Variants in CNBD1 observed in about 807,000 individuals in gnomAD.
CNBD1 encodes the protein cyclic nucleotide binding domain containing 1.
CNBD1 carries 71 observed loss-of-function variants against 54.4 expected under a neutral mutation model. The observed-to-expected ratio is 1.30, with a 90% confidence interval of 1.08 to 1.59. The LOEUF (loss-of-function observed/expected upper bound fraction) is 1.59. CNBD1 is among the 40% of genes most tolerant of loss of function. The pLI, the probability that CNBD1 is intolerant of heterozygous loss-of-function variation, is 0.00. For missense variants in CNBD1, 659 were observed against 518.0 expected (o/e 1.27, Z -2.64); for synonymous variants, 182 against 170.7 (o/e 1.07, Z -0.51).
At chr8:86,968,895 G>A (rs1808155412) in intron 4 of CNBD1, among the ~76,000 whole-genome samples, 1 of 152,190 alleles carries the variant, frequency 6.6e-6, no homozygotes, top group African/African-American at 2.4e-5. Flanking sequence ...TCCTGCACCT[G>A]TGAAGATAAG....
intron 1 of CNBD1, among the ~76,000 whole-genome samples, chr8:86,877,182 C>G (rs193280477): frequency 2.0e-5 from 3 of 152,036 alleles, no homozygotes; most frequent in Admixed American, 2.0e-4. Context: ...TATTAATTAT[C>G]TACTTTGTAA....
At chr8:87,062,003 C>T (rs1205194885) in intron 4 of CNBD1, among the ~76,000 whole-genome samples, 1 of 152,074 alleles carries the variant, frequency 6.6e-6, no homozygotes, top group Non-Finnish European at 1.5e-5. Flanking sequence ...GATAGTTGTC[C>T]ATTGGTGAGT....
intron 2 of CNBD1, among the ~76,000 whole-genome samples, chr8:86,897,753 A>G (rs1034199528): frequency 1.3e-5 from 2 of 152,210 alleles, no homozygotes; most frequent in African/African-American, 4.8e-5. Context: ...AAGGAAGCCT[A>G]TGAAGTGCAG....
chr8:87,210,393 A>T (rs1304871023), intron 5 of CNBD1, among the ~76,000 whole-genome samples: 1 of 152,204 alleles, frequency 6.6e-6, no homozygotes, highest in Non-Finnish European at 1.5e-5. Flanking sequence ...TATTTGTGTG[A>T]CTAAAAAAGA....
intron 2 of CNBD1, among the ~76,000 whole-genome samples, chr8:86,892,097 GA>G (rs1421293392): frequency 6.6e-6 from 1 of 151,754 alleles, no homozygotes; most frequent in African/African-American, 2.4e-5. Flanking sequence ...ATACTGTGTT[GA>G]AAAGAAGTAG....
intron 4 of CNBD1, among the ~76,000 whole-genome samples, chr8:86,976,441 G>T (rs1372464568): frequency 6.6e-6 from 1 of 151,698 alleles, no homozygotes; most frequent in Non-Finnish European, 1.5e-5. Flanking sequence ...TTATTATTCT[G>T]CATGTGGATA....
At chr8:87,374,004 AT>A (rs920629641) in intron 10 of CNBD1, among the ~76,000 whole-genome samples, 4 of 151,878 alleles carry the variant, frequency 2.6e-5, no homozygotes, top group African/African-American at 7.2e-5. Context: ...GCTACTGGTA[AT>A]TACAACTAGG....
At chr8:87,121,901 C>T (rs1811898481) in intron 4 of CNBD1, among the ~76,000 whole-genome samples, 1 of 151,450 alleles carries the variant, frequency 6.6e-6, no homozygotes, top group African/African-American at 2.4e-5. Context: ...TATATATACA[C>T]ACACATATGA....
At chr8:87,335,438 G>T (rs1404805631) in intron 8 of CNBD1, among the ~76,000 whole-genome samples, 1 of 152,114 alleles carries the variant, frequency 6.6e-6, no homozygotes, top group Non-Finnish European at 1.5e-5. Flanking sequence ...TTGTTGAATT[G>T]ATCCCTTTAT....
chr8:86,893,563 C>A (rs1015731486), intron 2 of CNBD1, among the ~76,000 whole-genome samples: 2 of 152,140 alleles, frequency 1.3e-5, no homozygotes, highest in Admixed American at 1.3e-4. Context: ...TTCCCTAGAT[C>A]TTGATTTCAG....
At chr8:87,331,423 T>C (rs576932680) in intron 8 of CNBD1, among the ~76,000 whole-genome samples, 2 of 152,320 alleles carry the variant, frequency 1.3e-5, no homozygotes, top group South Asian at 4.1e-4. Context: ...TAGTATTCCA[T>C]GGTGTATACA....
intron 6 of CNBD1, among the ~76,000 whole-genome samples, chr8:87,252,252 A>G (rs1213926980): frequency 6.6e-6 from 1 of 152,200 alleles, no homozygotes; most frequent in Non-Finnish European, 1.5e-5. Context: ...TGAGAAGCAA[A>G]GTGCACTTTC....
intron 4 of CNBD1, among the ~76,000 whole-genome samples, chr8:86,952,890 G>A (rs940359475): frequency 6.6e-6 from 1 of 152,064 alleles, no homozygotes; most frequent in African/African-American, 2.4e-5. Flanking sequence ...CCCACCCTCT[G>A]TTCCAAGCAA....
chr8:87,320,252 C>G (rs1049237214), intron 8 of CNBD1, among the ~76,000 whole-genome samples: 2 of 152,050 alleles, frequency 1.3e-5, no homozygotes, highest in African/African-American at 4.8e-5. Flanking sequence ...AAGGACATAA[C>G]TAATTGTGTT....
chr8:87,232,901 A>G (rs1461275189), intron 5 of CNBD1, among the ~76,000 whole-genome samples: 1 of 152,136 alleles, frequency 6.6e-6, no homozygotes, highest in Non-Finnish European at 1.5e-5. Flanking sequence ...CCGAAGTAAT[A>G]GTATGTAATA....
Position 87,327,537 on chromosome 8 carries a change from G to A in CNBD1, c.1043-24148G>A, listed in dbSNP as rs530571796. Among the ~76,000 whole-genome samples the A allele has an allele frequency of 5.2e-4, 79 of 152,306 alleles. 1 individual carries two copies. The South Asian group carries it at 0.012, about 24-fold the overall frequency. On this transcript the variant is annotated intron_variant, in intron 8 of 10. Transcript: ENST00000518476. ...CGTTTTTTAAGCCGGTCTGAAAAGC[G>A]CAATATTCGGGTGGGAGTGACCCGA...
At chr8:87,351,854 A>T in intron 9 of CNBD1, 60 bp downstream of exon 9, 1 of 1,319,036 alleles carries the variant, frequency 7.6e-7, no homozygotes, top group Non-Finnish European at 9.8e-7. Context: ...ATAGTGTCAG[A>T]TACCTTTTCA....
chr8:87,334,290 G>A (rs576911878), intron 8 of CNBD1, among the ~76,000 whole-genome samples: 32 of 151,598 alleles, frequency 2.1e-4, no homozygotes, highest in African/African-American at 6.3e-4. Flanking sequence ...TATTAGTCTA[G>A]CTAGCAACCT....
chr8:87,348,303 A>T (rs764383530), intron 8 of CNBD1, among the ~76,000 whole-genome samples: 1 of 152,168 alleles, frequency 6.6e-6, no homozygotes, highest in African/African-American at 2.4e-5. Flanking sequence ...ATAATAAAGA[A>T]GTAGTGTTTA....
Sources: allele counts gnomAD v4.1 joint callset (sites outside exome capture counted in the v4.1 genomes callset), GRCh38; gene constraint gnomAD v4.1.1; transcripts MANE v1.5; gene names NCBI Gene and HGNC (gene_info 2026-07-23, HGNC 2026-07-21).